Variants in GPC6 observed in about 807,000 individuals in gnomAD.
GPC6 encodes the protein glypican 6.
In GPC6, 14 loss-of-function variants were observed where a neutral mutation model predicts 55.2. The ratio of observed to expected loss-of-function variants is 0.25; its 90% CI spans 0.17 to 0.40. The LOEUF is 0.40. GPC6 is among the 10% of genes least tolerant of loss of function. The pLI, the probability that GPC6 is intolerant of heterozygous loss-of-function variation, is 1.00. For synonymous variants in GPC6, 278 were observed against 259.6 expected (o/e 1.07, Z -0.68); for missense variants, 641 against 708.5 (o/e 0.90, Z 1.08).
chr13:94,111,060 A>G (rs1287419217), intron 4 of GPC6, among the ~76,000 whole-genome samples: 1 of 152,128 alleles, frequency 6.6e-6, no homozygotes, highest in African/African-American at 2.4e-5. Flanking sequence ...CTAATTAGAT[A>G]GCATTTCCCT....
chr13:93,310,191 A>G (rs773832358), intron 1 of GPC6, among the ~76,000 whole-genome samples: 1 of 152,198 alleles, frequency 6.6e-6, no homozygotes, highest in African/African-American at 2.4e-5. Context: ...CTGTGACCAA[A>G]TAGAAACTAC....
chr13:94,246,033 G>C (rs995795715), intron 4 of GPC6, among the ~76,000 whole-genome samples: 1 of 152,036 alleles, frequency 6.6e-6, no homozygotes, highest in Non-Finnish European at 1.5e-5. Flanking sequence ...CTTGGGTCTT[G>C]TCTTTTTTAT....
At chr13:93,427,357 A>C (rs898940172) in intron 1 of GPC6, among the ~76,000 whole-genome samples, 2 of 151,724 alleles carry the variant, frequency 1.3e-5, no homozygotes, top group Non-Finnish European at 2.9e-5. Context: ...ACTATACTAC[A>C]AGGCTACAGT....
intron 2 of GPC6, among the ~76,000 whole-genome samples, chr13:93,634,297 C>T (rs1879602710): frequency 6.6e-6 from 1 of 152,138 alleles, no homozygotes; most frequent in South Asian, 2.1e-4. Flanking sequence ...TTAGTGACGC[C>T]TTATGCATTC....
intron 3 of GPC6, among the ~76,000 whole-genome samples, chr13:93,906,093 G>A (rs1876649587): frequency 6.6e-6 from 1 of 152,152 alleles, no homozygotes; most frequent in African/African-American, 2.4e-5. Flanking sequence ...TGCAGGGGGT[G>A]TCTCAGAACC....
At chr13:93,902,001 A>G (rs930816875) in intron 3 of GPC6, among the ~76,000 whole-genome samples, 9 of 152,244 alleles carry the variant, frequency 5.9e-5, no homozygotes, top group African/African-American at 1.9e-4. Flanking sequence ...TATTTTGTGT[A>G]AAAATCAAAT....
At chr13:93,510,957 A>ATG (rs1880934976) in intron 1 of GPC6, among the ~76,000 whole-genome samples, 2 of 14,786 alleles carry the variant, frequency 1.4e-4, no homozygotes, top group Middle Eastern at 0.25. Flanking sequence ...AGAAATATAT[A>ATG]TATATATATA....
At chr13:93,848,349 G>T (rs961865047) in intron 3 of GPC6, among the ~76,000 whole-genome samples, 1 of 152,002 alleles carries the variant, frequency 6.6e-6, no homozygotes, top group Non-Finnish European at 1.5e-5. Flanking sequence ...TTCGTTTTGT[G>T]TTGCTTTCTT....
At chr13:93,628,609 C>T (rs898127659) in intron 2 of GPC6, among the ~76,000 whole-genome samples, 1 of 152,156 alleles carries the variant, frequency 6.6e-6, no homozygotes, top group African/African-American at 2.4e-5. Flanking sequence ...ACTTGCATGA[C>T]ACTGGAGTTT....
At chr13:93,893,777 G>A (rs775640830) in intron 3 of GPC6, among the ~76,000 whole-genome samples, 14 of 152,128 alleles carry the variant, frequency 9.2e-5, no homozygotes, top group Non-Finnish European at 1.0e-4. Context: ...ATTGAGATTC[G>A]GTTGTCATCT....
At chr13:93,338,879 G>A (rs1880135699) in intron 1 of GPC6, among the ~76,000 whole-genome samples, 1 of 152,126 alleles carries the variant, frequency 6.6e-6, no homozygotes, top group African/African-American at 2.4e-5. Flanking sequence ...CTCCCTCAGT[G>A]GTTCTGAAAT....
intron 6 of GPC6, among the ~76,000 whole-genome samples, chr13:94,316,246 A>T (rs1876519418): frequency 6.6e-6 from 1 of 152,210 alleles, no homozygotes. Context: ...GTCCTACAAA[A>T]CCATCATCCT....
chr13:94,277,914 G>A (rs1892261594), intron 4 of GPC6, among the ~76,000 whole-genome samples: 1 of 151,586 alleles, frequency 6.6e-6, no homozygotes, highest in African/African-American at 2.4e-5. Context: ...TCTTTGTCTT[G>A]GATGGGTCTT....
intron 4 of GPC6, among the ~76,000 whole-genome samples, chr13:94,264,869 C>A (rs187647028): frequency 1.3e-5 from 2 of 152,302 alleles, no homozygotes; most frequent in South Asian, 2.1e-4. Context: ...AAAGGCCTAT[C>A]TAACATGGCA....
chr13:93,747,522 A>G (rs926477481), intron 2 of GPC6, among the ~76,000 whole-genome samples: 3 of 152,194 alleles, frequency 2.0e-5, no homozygotes, highest in Non-Finnish European at 4.4e-5. Flanking sequence ...ATCATCCAGC[A>G]ATTAATTTTA....
chr13:93,472,629 G>A lies in GPC6; in HGVS notation c.161-72634G>A, dbSNP rs548308655. On this transcript the variant is annotated intron_variant, in intron 1 of 8. Coordinates refer to ENST00000377047, the MANE Select transcript of GPC6 (RefSeq NM_005708.5). Reference sequence around the variant, plus strand: ...CCCCAAAGAGGGAGTCACAGGCCTGGTCTGGCATGTGGAGCTCCCAAGTTT... The same window carrying A: ...CCCCAAAGAGGGAGTCACAGGCCTGATCTGGCATGTGGAGCTCCCAAGTTT... Among the ~76,000 whole-genome samples, 7 of 152,340 alleles carry A rather than the reference G, an allele frequency of 4.6e-5. No homozygotes were observed. In the South Asian group the frequency reaches 1.4e-3, roughly 32 times the overall value.
chr13:93,601,742 G>A (rs1047813538), intron 2 of GPC6, among the ~76,000 whole-genome samples: 4 of 152,202 alleles, frequency 2.6e-5, no homozygotes, highest in African/African-American at 4.8e-5. Flanking sequence ...TAATTGAGAT[G>A]TATATGTATT....
intron 1 of GPC6, among the ~76,000 whole-genome samples, chr13:93,288,596 T>A (rs1290531509): frequency 6.6e-6 from 1 of 152,188 alleles, no homozygotes. Flanking sequence ...TCCAATTTTT[T>A]AAAAAGGCAC....
chr13:93,445,952 C>A (rs1242933343), intron 1 of GPC6, among the ~76,000 whole-genome samples: 1 of 152,030 alleles, frequency 6.6e-6, no homozygotes, highest in African/African-American at 2.4e-5. Flanking sequence ...CCTTCATAGG[C>A]AAATATGGCA....
Sources: gnomAD v4.1 joint callset for allele counts (sites outside exome capture counted in the v4.1 genomes callset) on GRCh38, gnomAD v4.1.1 for gene constraint, MANE v1.5 for transcripts, NCBI Gene and HGNC (gene_info 2026-07-23, HGNC 2026-07-21) for gene names.